Variants in DLGAP2 observed in about 807,000 individuals in gnomAD.
DLGAP2 encodes the protein DLG associated protein 2.
In DLGAP2, 26 loss-of-function variants were observed where a neutral mutation model predicts 100.3. That is an observed-to-expected ratio of 0.26 (90% CI 0.19 to 0.36). DLGAP2 has a LOEUF of 0.36. Among genes scored for constraint, DLGAP2 ranks in the 10% least tolerant of loss-of-function variants. The probability of loss-of-function intolerance (pLI) is 1.00; values close to 1 mark genes in which losing one functional copy is unlikely to be tolerated. For synonymous variants in DLGAP2, 886 were observed against 630.1 expected (o/e 1.41, Z -6.08); for missense variants, 1,858 against 1,453.2 (o/e 1.28, Z -4.53).
At chr8:1,198,403 A>G (rs1470032609) in intron 2 of DLGAP2, among the ~76,000 whole-genome samples, 1 of 152,022 alleles carries the variant, frequency 6.6e-6, no homozygotes, top group Non-Finnish European at 1.5e-5. Flanking sequence ...AGCTGCCTGG[A>G]CCTTGTGTCC....
chr8:1,047,564 A>C (rs897837474), intron 2 of DLGAP2, among the ~76,000 whole-genome samples: 2 of 152,164 alleles, frequency 1.3e-5, no homozygotes. Context: ...TATAAACAAC[A>C]GTATTTATTT....
chr8:752,927 A>G, intron 1 of DLGAP2, among the ~76,000 whole-genome samples: 1 of 152,110 alleles, frequency 6.6e-6, no homozygotes. Flanking sequence ...TAAGTGGATC[A>G]CCCTCACTCG....
At chr8:1,000,130 GGA>G (rs1403837633) in intron 2 of DLGAP2, among the ~76,000 whole-genome samples, 7 of 149,254 alleles carry the variant, frequency 4.7e-5, no homozygotes, top group South Asian at 2.2e-4. Context: ...AGATCCGGGT[GGA>G]CGTGGTTTTC....
chr8:1,229,968 G>T (rs1276548263), intron 2 of DLGAP2, among the ~76,000 whole-genome samples: 1 of 152,136 alleles, frequency 6.6e-6, no homozygotes, highest in Non-Finnish European at 1.5e-5. Context: ...AACAAGACAA[G>T]GATGCCCACT....
In DLGAP2 at chr8:864,516, G is replaced by A. The variant is rs371907785; in HGVS notation, c.19-43396G>A. On this transcript the variant is annotated intron_variant, in intron 1 of 14. Transcript: ENST00000637795. Reference sequence around the variant, plus strand: ...CCTCACTATTCTGGGACATCTTTTGGCCAGAAAAATATATAAGGCCAATCT... The same window carrying A: ...CCTCACTATTCTGGGACATCTTTTGACCAGAAAAATATATAAGGCCAATCT... Among the ~76,000 whole-genome samples, 18 of 152,246 alleles carry A rather than the reference G, an allele frequency of 1.2e-4. 1 individual carries two copies. In the South Asian group the frequency reaches 3.7e-3, roughly 32 times the overall value.
At chr8:1,222,711 A>C (rs1228169677) in intron 2 of DLGAP2, among the ~76,000 whole-genome samples, 1 of 152,000 alleles carries the variant, frequency 6.6e-6, no homozygotes, top group African/African-American at 2.4e-5. Context: ...GGTGGGGTTT[A>C]TCTGCAGAAG....
At chr8:1,618,418 T>G (rs1383717399) in intron 6 of DLGAP2, among the ~76,000 whole-genome samples, 1 of 152,212 alleles carries the variant, frequency 6.6e-6, no homozygotes, top group Non-Finnish European at 1.5e-5. Flanking sequence ...AGAGCTAGAC[T>G]GTGATGCATT....
intron 3 of DLGAP2, among the ~76,000 whole-genome samples, chr8:1,299,339 A>G (rs17063786): frequency 0.057 from 8,755 of 152,294 alleles, 796 homozygotes; most frequent in African/African-American, 0.19. Context: ...TGTCTCCACC[A>G]TACAAGGGAA....
chr8:1,023,857 A>ATATGTGTGTGTGTGTGTGTGTGTGTG (rs772678610), intron 2 of DLGAP2, among the ~76,000 whole-genome samples: 4 of 128,942 alleles, frequency 3.1e-5, no homozygotes, highest in Admixed American at 8.2e-5. Context: ...AACTTTATAT[A>ATATGTGTGTGTGTGTGTGTGTGTGTG]TGTGTGTGTG....
At chr8:1,107,764 C>G (rs1427970915) in intron 2 of DLGAP2, among the ~76,000 whole-genome samples, 1 of 152,230 alleles carries the variant, frequency 6.6e-6, no homozygotes, top group African/African-American at 2.4e-5. Context: ...ACTCTGTTCT[C>G]CATCCCCCTC....
chr8:1,177,387 C>T (rs1797283558), intron 2 of DLGAP2, among the ~76,000 whole-genome samples: 1 of 152,048 alleles, frequency 6.6e-6, no homozygotes, highest in South Asian at 2.1e-4. Context: ...GTGTGGTCTC[C>T]TGGCCCGAGT....
intron 2 of DLGAP2, among the ~76,000 whole-genome samples, chr8:1,053,003 A>G (rs1447398997): frequency 1.3e-5 from 2 of 152,216 alleles, no homozygotes; most frequent in African/African-American, 4.8e-5. Flanking sequence ...ATTTGCTAAC[A>G]TTTCTCATCA....
At chr8:1,123,145 T>C (rs1246551126) in intron 2 of DLGAP2, among the ~76,000 whole-genome samples, 1 of 152,234 alleles carries the variant, frequency 6.6e-6, no homozygotes, top group African/African-American at 2.4e-5. Flanking sequence ...AAGCTTGGAA[T>C]GATCGCCTTT....
At chr8:1,562,932 C>T (rs72507654) in intron 5 of DLGAP2, among the ~76,000 whole-genome samples, 3 of 18,420 alleles carry the variant, frequency 1.6e-4, no homozygotes, top group African/African-American at 7.2e-4. Flanking sequence ...CTCGTTACTG[C>T]GGGGACTGTG....
chr8:1,430,684 G>A (rs1451381340), intron 3 of DLGAP2, among the ~76,000 whole-genome samples: 2 of 152,166 alleles, frequency 1.3e-5, no homozygotes, highest in African/African-American at 4.8e-5. Flanking sequence ...CTTTCTTGAA[G>A]AAAAATTAAT....
At chr8:1,165,671 T>C (rs1797001096) in intron 2 of DLGAP2, among the ~76,000 whole-genome samples, 1 of 152,234 alleles carries the variant, frequency 6.6e-6, no homozygotes, top group South Asian at 2.1e-4. Flanking sequence ...TTAATTTTAT[T>C]TGTCGAATTT....
intron 5 of DLGAP2, among the ~76,000 whole-genome samples, chr8:1,563,713 A>C (rs555136701): frequency 6.6e-6 from 1 of 152,168 alleles, no homozygotes; most frequent in South Asian, 2.1e-4. Context: ...CCTGGGCTGC[A>C]ATGTGGAAGA....
intron 2 of DLGAP2, among the ~76,000 whole-genome samples, chr8:1,134,095 C>A (rs748107907): frequency 6.6e-6 from 1 of 152,126 alleles, no homozygotes; most frequent in Non-Finnish European, 1.5e-5. Flanking sequence ...GAACATGTGG[C>A]ATTTGTTTTC....
chr8:750,823 G>A (rs1452450265), intron 1 of DLGAP2, among the ~76,000 whole-genome samples: 1 of 152,130 alleles, frequency 6.6e-6, no homozygotes, highest in African/African-American at 2.4e-5. Flanking sequence ...AGGCCTAATG[G>A]GATAGCATTT....
Sources: allele counts gnomAD v4.1 joint callset (sites outside exome capture counted in the v4.1 genomes callset), GRCh38; gene constraint gnomAD v4.1.1; transcripts MANE v1.5; gene names NCBI Gene and HGNC (gene_info 2026-07-23, HGNC 2026-07-21).